Variants in ROBO1 observed in about 807,000 individuals in gnomAD.
The protein encoded by ROBO1 is roundabout guidance receptor 1, also known as roundabout homolog 1.
ROBO1 carries 149 observed loss-of-function variants against 195.9 expected under a neutral mutation model. The observed-to-expected ratio is 0.76, with a 90% CI of 0.67 to 0.87. ROBO1 has a LOEUF of 0.87. ROBO1 is among the 40% of genes least tolerant of loss of function. The pLI, the probability that ROBO1 is intolerant of heterozygous loss-of-function variation, is 0.00. For missense variants in ROBO1, 1,933 were observed against 2,068.3 expected (o/e 0.93, Z 1.27); for synonymous variants, 816 against 733.2 (o/e 1.11, Z -1.82).
At chr3:79,220,386 G>A (rs1208901149) in intron 2 of ROBO1, among the ~76,000 whole-genome samples, 1 of 152,020 alleles carries the variant, frequency 6.6e-6, no homozygotes, top group African/African-American at 2.4e-5. Context: ...ACTCTGTTGT[G>A]TTCTCCACAA....
Position 79,680,410 on chromosome 3 carries a change from C to A in ROBO1, c.-51+87342G>T, listed in dbSNP as rs781634249. On this transcript the variant is annotated intron_variant, in intron 1 of 30. Transcript: ENST00000464233. ...ACTCATACTTGCTAATGAAAATTTTCTGATTACTTCATGAGAAAGAATTAT... is the reference window on the plus strand; with the variant it reads ...ACTCATACTTGCTAATGAAAATTTTATGATTACTTCATGAGAAAGAATTAT... Among the ~76,000 whole-genome samples, 25 of 151,974 alleles carry A rather than the reference C, an allele frequency of 1.6e-4. 1 individual carries two copies. The highest frequency in any genetic ancestry group is 1.0e-4 in the Non-Finnish European group (7 of 67,930).
At chr3:79,708,924 A>T (rs933535420) in intron 1 of ROBO1, among the ~76,000 whole-genome samples, 1 of 152,150 alleles carries the variant, frequency 6.6e-6, no homozygotes, top group Admixed American at 6.6e-5. Flanking sequence ...ATTTAAACTC[A>T]TGGGGTTTTT....
In ROBO1 at chr3:78,645,252, C is replaced by A. The variant is rs138320844; in HGVS notation, c.2882+896G>T. Among the ~76,000 whole-genome samples the A allele has an allele frequency of 1.5e-3, 234 of 151,976 alleles. 2 individuals carry two copies. In the Middle Eastern group the frequency reaches 0.017, roughly 11 times the overall value. On this transcript the variant is annotated intron_variant, in intron 21 of 30. Transcript: ENST00000464233. ...ACCACTCTTTGTTATATACTAAATTCAGTAATTTTCTTATCCGGTGGTATG... is the reference window on the plus strand; with the variant it reads ...ACCACTCTTTGTTATATACTAAATTAAGTAATTTTCTTATCCGGTGGTATG...
chr3:79,323,720 T>C (rs1000654330), intron 2 of ROBO1, among the ~76,000 whole-genome samples: 2 of 152,192 alleles, frequency 1.3e-5, no homozygotes, highest in Admixed American at 6.5e-5. Flanking sequence ...TATAAATTTA[T>C]TCTTTATCAC....
chr3:78,965,654 A>G (rs1270721588), intron 3 of ROBO1, among the ~76,000 whole-genome samples: 4 of 152,174 alleles, frequency 2.6e-5, no homozygotes, highest in Non-Finnish European at 2.9e-5. Context: ...TATGTTATTT[A>G]ATCAGAAGCA....
chr3:78,655,443 A>G (rs867913941), intron 18 of ROBO1, among the ~76,000 whole-genome samples: 3 of 152,124 alleles, frequency 2.0e-5, no homozygotes, highest in South Asian at 4.1e-4. Flanking sequence ...CCCCTGCTAC[A>G]GGCCCAGGGT....
chr3:78,743,040 A>C (rs2082570762), intron 5 of ROBO1, among the ~76,000 whole-genome samples: 2 of 152,316 alleles, frequency 1.3e-5, no homozygotes, highest in South Asian at 4.1e-4. Context: ...TAAATGGTGA[A>C]TGTCACAAAA....
chr3:78,626,717 A>G (rs375258937), intron 26 of ROBO1, among the ~76,000 whole-genome samples: 142 of 151,548 alleles, frequency 9.4e-4, no homozygotes, highest in African/African-American at 3.3e-3. Flanking sequence ...TGCTCAATAC[A>G]TAGGTTTAAA....
chr3:79,551,383 C>T lies in ROBO1; in HGVS notation c.88+38441G>A, dbSNP rs150277279. ...ACAAGGATACACTGTTAAAGCAGCACAAAATGAACTAAGACACACCTAATA... is the reference window on the plus strand; with the variant it reads ...ACAAGGATACACTGTTAAAGCAGCATAAAATGAACTAAGACACACCTAATA... On this transcript the variant is annotated intron_variant, in intron 2 of 30. Coordinates refer to ENST00000464233, the MANE Select transcript of ROBO1 (RefSeq NM_002941.4). Among the ~76,000 whole-genome samples the T allele has an allele frequency of 2.8e-3, 420 of 150,944 alleles. 4 individuals carry two copies. The highest frequency in any genetic ancestry group is 9.8e-3 in the African/African-American group (404 of 41,056).
intron 4 of ROBO1, among the ~76,000 whole-genome samples, chr3:78,846,664 T>C (rs1324299032): frequency 6.6e-6 from 1 of 152,144 alleles, no homozygotes; most frequent in African/African-American, 2.4e-5. Context: ...TGGTGTTTCT[T>C]TTCTTTTTTA....
At chr3:78,998,407 A>G (rs1275397535) in intron 3 of ROBO1, among the ~76,000 whole-genome samples, 2 of 152,046 alleles carry the variant, frequency 1.3e-5, no homozygotes, top group Admixed American at 1.3e-4. Flanking sequence ...CTTGCCCTAC[A>G]CTTATACTCA....
At chr3:78,843,295 C>G (rs576095608) in intron 4 of ROBO1, among the ~76,000 whole-genome samples, 1 of 151,960 alleles carries the variant, frequency 6.6e-6, no homozygotes, top group Non-Finnish European at 1.5e-5. Flanking sequence ...AAAATCAATA[C>G]CTCCTTCATT....
At chr3:79,190,346 G>T (rs550904496) in intron 2 of ROBO1, among the ~76,000 whole-genome samples, 125 of 151,640 alleles carry the variant, frequency 8.2e-4, no homozygotes, top group African/African-American at 2.9e-3. Flanking sequence ...GATGTGGCTA[G>T]TATAGAGAAG....
At chr3:79,481,108 T>C (rs1938829410) in intron 2 of ROBO1, among the ~76,000 whole-genome samples, 1 of 152,170 alleles carries the variant, frequency 6.6e-6, no homozygotes, top group Non-Finnish European at 1.5e-5. Context: ...TAATGTATTC[T>C]ACTGATGGTG....
At chr3:79,278,970 G>A (rs2031287452) in intron 2 of ROBO1, among the ~76,000 whole-genome samples, 1 of 151,904 alleles carries the variant, frequency 6.6e-6, no homozygotes, top group South Asian at 2.1e-4. Context: ...AGTATCCAAG[G>A]AACTCAAACA....
At chr3:79,259,239 A>G (rs138336916) in intron 2 of ROBO1, among the ~76,000 whole-genome samples, 59 of 152,094 alleles carry the variant, frequency 3.9e-4, no homozygotes, top group African/African-American at 1.4e-3. Context: ...CCGCCTCCCG[A>G]GCTCAAGGGA....
At chr3:78,649,830 T>C (rs555722493) in intron 19 of ROBO1, among the ~76,000 whole-genome samples, 2 of 152,288 alleles carry the variant, frequency 1.3e-5, no homozygotes, top group East Asian at 1.9e-4. Flanking sequence ...AAAGAGCACA[T>C]AGGCATTTGT....
At chr3:79,530,383 C>T (rs1249896728) in intron 2 of ROBO1, among the ~76,000 whole-genome samples, 1 of 151,912 alleles carries the variant, frequency 6.6e-6, no homozygotes. Context: ...TCCTGTCTGC[C>T]AGTTTGACAT....
chr3:78,909,432 A>G (rs947836633), intron 4 of ROBO1, among the ~76,000 whole-genome samples: 1 of 151,868 alleles, frequency 6.6e-6, no homozygotes, highest in African/African-American at 2.4e-5. Context: ...TGTTAATAGC[A>G]TGAGAGTCTT....
Sources: gnomAD v4.1 joint callset for allele counts (sites outside exome capture counted in the v4.1 genomes callset) on GRCh38, gnomAD v4.1.1 for gene constraint, MANE v1.5 for transcripts, NCBI Gene and HGNC (gene_info 2026-07-23, HGNC 2026-07-21) for gene names.